Variants in RBM48 observed in about 807,000 individuals in gnomAD.
RBM48 encodes the protein RNA binding motif protein 48.
A neutral mutation model predicts 34.8 loss-of-function variants in RBM48; 32 were observed. The ratio of observed to expected loss-of-function variants is 0.92; its 90% CI spans 0.69 to 1.23. The LOEUF is 1.23. Among genes scored for constraint, RBM48 ranks in the 50% most tolerant of loss-of-function variants. The pLI is 0.00. For missense variants in RBM48, 441 were observed against 447.2 expected, an observed-to-expected ratio of 0.99 and a Z score of 0.12; for synonymous variants, 151 against 156.2, an observed-to-expected ratio of 0.97 and a Z score of 0.25.
At position 92,534,751 on chromosome 7, in the gene RBM48, G is replaced by A. The variant is rs571485288; in HGVS notation, c.798G>A (p.Thr266=). ...VACPGAQKAI[T]SSEAVDRFMP... The stretch of plus-strand genomic sequence containing the variant: ...GCCCTGGTGCACAAAAGGCTATTAC[G>A]TCTTCAGAGGCAGTTGACAGATTTA... The change falls in exon 4 of 5, where the codon ACG becomes ACA. Residue 266 remains threonine (T), a synonymous_variant. Transcript: ENST00000265732. 1.1e-5 allele frequency: 18 copies of A among 1,614,150 alleles called. No homozygotes were observed. The highest frequency in any genetic ancestry group is 6.7e-5 in the East Asian group (3 of 44,888).
chr7:92,530,032 C>G (rs1793517502), intron 2 of RBM48, among the ~76,000 whole-genome samples: 1 of 151,434 alleles, frequency 6.6e-6, no homozygotes, highest in South Asian at 2.1e-4. Context: ...ACAAAATTAG[C>G]TGGGTCTAGT....
chr7:92,537,149 C>G lies in RBM48; in HGVS notation c.*212C>G. 1 of 336,852 alleles carries G rather than the reference C, an allele frequency of 3.0e-6. No homozygotes were observed. Among genetic ancestry groups the G allele is most frequent in the Non-Finnish European group, 5.6e-6 (1 of 179,162 alleles). The allele number at this position is 336,852 out of a possible 1,614,324, so 20.9% of individuals were successfully genotyped here. ...CCAGGCTGGAATGCAGTGGCGTGATCTCGGCTCACTGCAACCTCCACCTCC... is the reference window on the plus strand; with the variant it reads ...CCAGGCTGGAATGCAGTGGCGTGATGTCGGCTCACTGCAACCTCCACCTCC... On this transcript the variant is annotated 3_prime_UTR_variant, in exon 5 of 5. Transcript: ENST00000265732.
At chr7:92,535,213 C>T (rs1030001498) in intron 4 of RBM48, 24 of 1,387,916 alleles carry the variant, frequency 1.7e-5, no homozygotes, top group African/African-American at 2.9e-5. Flanking sequence ...AATATTAAAG[C>T]AGTGGTTTCA....
In RBM48 at chr7:92,532,555, GAAAGCATATTGCT is replaced by G. The variant is rs1793602917; in HGVS notation, c.448+10_448+22del. 1 of 1,603,524 alleles carries G rather than the reference GAAAGCATATTGCT, an allele frequency of 6.2e-7. No individual in the cohort carries two copies. The highest frequency in any genetic ancestry group is 1.7e-5 in the Admixed American group (1 of 58,864). On this transcript the variant is annotated splice_region_variant and intron_variant, in intron 3 of 4. Transcript: ENST00000265732. ...AAAAACTACTGAAAATAAAGGTATG[GAAAGCATATTGCT>G]AAATGCCTCCTGTGTGTCAGGCACT...
Position 92,534,448 on chromosome 7 carries a change from A to G in RBM48, c.495A>G (p.Thr165=), listed in dbSNP as rs962201958. 1 of 1,613,986 alleles carries G rather than the reference A, an allele frequency of 6.2e-7. No homozygotes were observed. Among genetic ancestry groups the G allele is most frequent in the Non-Finnish European group, 8.5e-7 (1 of 1,179,884 alleles). Residue 165 remains threonine, a synonymous_variant, in exon 4 of 5, where the codon ACA becomes ACG. Coordinates refer to ENST00000265732, the MANE Select transcript of RBM48 (RefSeq NM_032120.4). The stretch of plus-strand genomic sequence containing the variant: ...AATTGGTTACAGAGCATAAAGACAC[A>G]GAGGATTTTAGACAAGACTTCCACT... ...KKKLVTEHKD[T]EDFRQDFHSE...
In RBM48 at chr7:92,539,732, A is replaced by C. The variant is rs1197433095; in HGVS notation, c.*2795A>C. ...GTGTTCTTGTATACCATGTTTGAAA[A>C]GCATAGTTGATAAAGGAAGAACATG... On this transcript the variant is annotated 3_prime_UTR_variant, in exon 5 of 5. Transcript: ENST00000265732. Among the ~76,000 whole-genome samples, 1 of 152,226 alleles carries C rather than the reference A, an allele frequency of 6.6e-6. No homozygotes were observed. Among genetic ancestry groups the C allele is most frequent in the East Asian group, 1.9e-4 (1 of 5,204 alleles).
Position 92,539,409 on chromosome 7 carries a change from A to G in RBM48, c.*2472A>G, listed in dbSNP as rs777123405. Reference sequence around the variant, plus strand: ...GCAAGCTAATTTACAAAATTTCCATATAGGTTATTATTTTGGGCACAGTGG... The same window carrying G: ...GCAAGCTAATTTACAAAATTTCCATGTAGGTTATTATTTTGGGCACAGTGG... On this transcript the variant is annotated 3_prime_UTR_variant, in exon 5 of 5. Coordinates refer to ENST00000265732, the MANE Select transcript of RBM48 (RefSeq NM_032120.4). Among the ~76,000 whole-genome samples the G allele has an allele frequency of 6.6e-6, 1 of 152,196 alleles. No homozygotes were observed. The highest frequency in any genetic ancestry group is 2.4e-5 in the African/African-American group (1 of 41,452).
Position 92,537,560 on chromosome 7 carries a change from A to T in RBM48, c.*623A>T, listed in dbSNP as rs1793752441. The T allele has an allele frequency of 6.6e-6, 1 of 152,274 alleles. No homozygotes were observed. Among genetic ancestry groups the T allele is most frequent in the African/African-American group, 2.4e-5 (1 of 41,480 alleles). 9.4% of individuals were successfully genotyped at this position (152,274 alleles called of 1,614,324 possible). ...GTATTGAATGAACCATTGAAACACT[A>T]GAAGTCAGGATGTTTCCGAATGCCA... On this transcript the variant is annotated 3_prime_UTR_variant, in exon 5 of 5. Coordinates refer to ENST00000265732, the MANE Select transcript of RBM48 (RefSeq NM_032120.4).
At chr7:92,528,975 C>A (rs1229664050) in intron 1 of RBM48, 51 bp downstream of exon 1, 3 of 1,317,674 alleles carry the variant, frequency 2.3e-6, no homozygotes, top group Non-Finnish European at 3.3e-6. Flanking sequence ...TATGTGAGTG[C>A]TAGCGCCATA....
At chr7:92,529,943 C>CCGAGGTGGGCGGATCA (rs1258393390) in intron 2 of RBM48, among the ~76,000 whole-genome samples, 1 of 151,978 alleles carries the variant, frequency 6.6e-6, no homozygotes, top group Non-Finnish European at 1.5e-5. Flanking sequence ...CTCTGGGAGA[C>CCGAGGTGGGCGGATCA]CGAGGTGGGC....
chr7:92,535,961 C>A, intron 4 of RBM48: 1 of 393,934 alleles, frequency 2.5e-6, no homozygotes, highest in Non-Finnish European at 3.5e-6. Flanking sequence ...GTGATGAAAC[C>A]CCATCTTTAC....
rs1314095371 is a variant in RBM48, at chr7:92,534,492, G to A, written c.539G>A (p.Cys180Tyr). 3 of 1,614,116 alleles carry A rather than the reference G, an allele frequency of 1.9e-6. No homozygotes were observed. The highest frequency in any genetic ancestry group is 2.5e-6 in the Non-Finnish European group (3 of 1,180,002). The change falls in exon 4 of 5, where the codon TGT becomes TAT. Residue 180 changes from cysteine to tyrosine, a missense_variant. By Grantham distance (194) the Cys-to-Tyr change is radical. Transcript: ENST00000265732. ...TTCCACTCAGAGATGTCTGGATTTT[G>A]TAAAGCTGCTTTGAACACTTCTGCA... ...QDFHSEMSGF[C>Y]KAALNTSAGN...
intron 2 of RBM48, among the ~76,000 whole-genome samples, 156 bp downstream of exon 2, chr7:92,529,822 A>G (rs985562447): frequency 3.3e-5 from 5 of 152,186 alleles, no homozygotes; most frequent in Admixed American, 1.3e-4. Context: ...CTTTACTGAA[A>G]CACTGTATCC....
At chr7:92,534,169 T>A in intron 3 of RBM48, 1 of 542,520 alleles carries the variant, frequency 1.8e-6, no homozygotes, top group East Asian at 3.7e-5. Context: ...CTTATGGGGA[T>A]GAAACCAGAC....
rs200741756 is a variant in RBM48, at chr7:92,529,656, C to T, written c.292C>T (p.Gln98Ter). 72 of 1,580,962 alleles carry T rather than the reference C, an allele frequency of 4.6e-5. No homozygotes were observed. Among genetic ancestry groups the T allele is most frequent in the Non-Finnish European group, 5.9e-5 (68 of 1,156,574 alleles). Residue 98 changes from glutamine (Q) to a stop codon, truncating the protein, a stop_gained, in exon 2 of 5, where the codon CAA (glutamine) becomes TAA (stop). Coordinates refer to ENST00000265732, the MANE Select transcript of RBM48 (RefSeq NM_032120.4). LOFTEE classifies it high-confidence loss of function. Reference sequence around the variant, plus strand: ...TTATCTTATTAAATTTATGAACTTACAAAGTGCAAGGTAATGTGCAAGTTA... The same window carrying T: ...TTATCTTATTAAATTTATGAACTTATAAAGTGCAAGGTAATGTGCAAGTTA... ...EVYLIKFMNL[Q>*]SARTAKRKMD...
At position 92,529,585 on chromosome 7, in the gene RBM48, A is replaced by G; in HGVS notation, c.221A>G (p.Gln74Arg). Residue 74 changes from glutamine to arginine, a missense_variant, in exon 2 of 5, where the codon CAG (glutamine) becomes CGG (arginine). By Grantham distance (43) the Gln-to-Arg change is conservative. Coordinates refer to ENST00000265732, the MANE Select transcript of RBM48 (RefSeq NM_032120.4). ...ERFALYGAIE[Q>R]YNALDEYPAE... ...TTCGCTTTATATGGTGCAATTGAAC[A>G]GTACAATGCTCTAGATGAATACCCA... The G allele has an allele frequency of 4.3e-6, 7 of 1,610,952 alleles. No homozygotes were observed. Among genetic ancestry groups the G allele is most frequent in the Non-Finnish European group, 5.9e-6 (7 of 1,177,296 alleles).
chr7:92,529,944 C>T (rs1793510907), intron 2 of RBM48, among the ~76,000 whole-genome samples: 1 of 151,984 alleles, frequency 6.6e-6, no homozygotes, highest in Non-Finnish European at 1.5e-5. Context: ...TCTGGGAGAC[C>T]GAGGTGGGCG....
intron 4 of RBM48, 33 bp downstream of exon 4, chr7:92,535,003 A>C: frequency 6.2e-7 from 1 of 1,609,140 alleles, no homozygotes; most frequent in Non-Finnish European, 8.5e-7. Context: ...ATTCTAAGAC[A>C]CGATTTGGTT....
rs879684224 is a variant in RBM48, at chr7:92,540,102, GTCT to G, written c.*3170_*3172del. On this transcript the variant is annotated 3_prime_UTR_variant, in exon 5 of 5. Coordinates refer to ENST00000265732, the MANE Select transcript of RBM48 (RefSeq NM_032120.4). ...TATAGTTACTGAAATAATCATGAAT[GTCT>G]TCTTGGGGCCCAAATGCCAGGATGG... Among the ~76,000 whole-genome samples the G allele has an allele frequency of 4.6e-5, 7 of 152,226 alleles. No homozygotes were observed. The highest frequency in any genetic ancestry group is 6.5e-5 in the Admixed American group (1 of 15,288).
Sources: allele counts gnomAD v4.1 joint callset (sites outside exome capture counted in the v4.1 genomes callset), GRCh38; gene constraint gnomAD v4.1.1; transcripts MANE v1.5; gene names NCBI Gene and HGNC (gene_info 2026-07-23, HGNC 2026-07-21).